The following LPCAT2 variants were observed in gnomAD, a reference collection of about 807,000 sequenced individuals.
LPCAT2 encodes lysophosphatidylcholine acyltransferase 2.
In LPCAT2, 58 loss-of-function variants were observed where a neutral mutation model predicts 64.7. That is an observed-to-expected ratio of 0.90 (90% confidence interval 0.73 to 1.12). The LOEUF (loss-of-function observed/expected upper bound fraction) is 1.12. Ranked by LOEUF, LPCAT2 falls within the 50% of genes most tolerant of loss-of-function variation. The probability of loss-of-function intolerance (pLI) is 0.00; values close to 1 mark genes in which losing one functional copy is unlikely to be tolerated. For missense variants in LPCAT2, 579 were observed against 669.8 expected, an observed-to-expected ratio of 0.86 and a Z score of 1.50; for synonymous variants, 252 against 245.3, an observed-to-expected ratio of 1.03 and a Z score of -0.26.
intron 11 of LPCAT2, chr16:55,557,115 T>C (rs565552563): frequency 6.6e-6 from 1 of 152,372 alleles, no homozygotes; most frequent in South Asian, 2.1e-4. Flanking sequence ...ATATAAACCG[T>C]AACTGTTCTT....
chr16:55,580,830 G>A (rs1323803073), intron 13 of LPCAT2, among the ~76,000 whole-genome samples: 8 of 75,298 alleles, frequency 1.1e-4, no homozygotes, highest in African/African-American at 1.7e-4. Flanking sequence ...ATTCTCATAG[G>A]AGCGCATGAA....
intron 11 of LPCAT2, among the ~76,000 whole-genome samples, chr16:55,564,601 G>A (rs1490222408): frequency 5.3e-5 from 8 of 151,862 alleles, no homozygotes; most frequent in Non-Finnish European, 1.0e-4. Context: ...GGGAAAGGAC[G>A]GTCTTTTCAA....
chr16:55,555,066 G>A (rs1452307804), intron 11 of LPCAT2, among the ~76,000 whole-genome samples: 1 of 152,120 alleles, frequency 6.6e-6, no homozygotes, highest in African/African-American at 2.4e-5. Context: ...AAAATTTTTT[G>A]AAATATTAGG....
chr16:55,528,109 T>C (rs1026269685), intron 2 of LPCAT2, among the ~76,000 whole-genome samples: 1 of 152,234 alleles, frequency 6.6e-6, no homozygotes, highest in South Asian at 2.1e-4. Flanking sequence ...TTTTCTCATC[T>C]ATAAAATGGG....
intron 1 of LPCAT2, among the ~76,000 whole-genome samples, chr16:55,509,968 CG>C (rs1463985787): frequency 7.3e-6 from 1 of 136,828 alleles, no homozygotes; most frequent in Non-Finnish European, 1.5e-5. Flanking sequence ...AGATCTACTA[CG>C]GGAGAGTAGA....
At chr16:55,544,388 T>TA (rs1196955563) in intron 8 of LPCAT2, among the ~76,000 whole-genome samples, 11 of 152,204 alleles carry the variant, frequency 7.2e-5, no homozygotes, top group Admixed American at 7.2e-4. Context: ...TAATGGATGG[T>TA]AACTCTTATT....
chr16:55,558,456 A>C (rs1421198116), intron 11 of LPCAT2, among the ~76,000 whole-genome samples: 2 of 152,236 alleles, frequency 1.3e-5, no homozygotes, highest in African/African-American at 2.4e-5. Context: ...CTGTAAGCAC[A>C]TAATTTTTTT....
intron 6 of LPCAT2, among the ~76,000 whole-genome samples, chr16:55,533,800 T>G (rs13339550): frequency 0.1 from 15,714 of 152,142 alleles, 1,093 homozygotes; most frequent in African/African-American, 0.19. Flanking sequence ...AATATTGATT[T>G]TACCACCATT....
At chr16:55,538,765 A>G (rs561128044) in intron 8 of LPCAT2, 2 of 151,860 alleles carry the variant, frequency 1.3e-5, no homozygotes, top group Admixed American at 6.6e-5. Context: ...AACTAATTTA[A>G]TAACATTTGG....
intron 1 of LPCAT2, among the ~76,000 whole-genome samples, chr16:55,511,204 A>G (rs778275386): frequency 4.6e-5 from 7 of 152,212 alleles, no homozygotes; most frequent in Non-Finnish European, 7.4e-5. Context: ...TAGTTATCCT[A>G]TATATTTTCT....
chr16:55,577,038 G>A (rs1402013860), intron 12 of LPCAT2, among the ~76,000 whole-genome samples: 1 of 152,194 alleles, frequency 6.6e-6, no homozygotes, highest in Non-Finnish European at 1.5e-5. Context: ...GAGCTTGTGA[G>A]GAGGGAGCTA....
chr16:55,516,584 T>C (rs1330486717), intron 1 of LPCAT2, among the ~76,000 whole-genome samples: 2 of 152,172 alleles, frequency 1.3e-5, no homozygotes, highest in Admixed American at 1.3e-4. Flanking sequence ...AGAGGGTTGA[T>C]TCATTAAGAT....
chr16:55,527,039 T>C lies in LPCAT2; in HGVS notation c.312-1338T>C, dbSNP rs568045384. Among the ~76,000 whole-genome samples, 7 of 152,238 alleles carry C rather than the reference T, an allele frequency of 4.6e-5. No individual in the cohort carries two copies. The South Asian group carries it at 1.5e-3, about 32-fold the overall frequency. Reference sequence around the variant, plus strand: ...ATTTGATAAAGGAATACACTTCATATCATTACATGAGTAGAAATCTCATCT... The same window carrying C: ...ATTTGATAAAGGAATACACTTCATACCATTACATGAGTAGAAATCTCATCT... On this transcript the variant is annotated intron_variant, in intron 2 of 13. Transcript: ENST00000262134.
intron 1 of LPCAT2, among the ~76,000 whole-genome samples, chr16:55,511,372 G>C (rs1962929627): frequency 6.6e-6 from 1 of 152,048 alleles, no homozygotes; most frequent in Non-Finnish European, 1.5e-5. Context: ...GAATAGGCAT[G>C]GTAGAAAAAC....
chr16:55,569,678 C>T (rs1963748160), intron 11 of LPCAT2, among the ~76,000 whole-genome samples: 2 of 152,154 alleles, frequency 1.3e-5, no homozygotes, highest in African/African-American at 2.4e-5. Flanking sequence ...CCAGCATGCT[C>T]ATGGAAAAAC....
At position 55,549,350 on chromosome 16, in the gene LPCAT2, T is replaced by C. The variant is rs1159689203; in HGVS notation, c.1009T>C (p.Leu337=). The change falls in exon 10 of 14, where the codon TTG becomes CTG. Residue 337 remains leucine (L), a synonymous_variant. Coordinates refer to ENST00000262134, the MANE Select transcript of LPCAT2 (RefSeq NM_017839.5). ...GATGATTTCAGCAGGACAGCTAACA[T>C]TGCCTATGGAAGCTGGGCTGGTGGA... is the stretch of plus-strand genomic sequence containing the variant. ...RLMISAGQLT[L]PMEAGLVEFT... The C allele has an allele frequency of 5.6e-6, 9 of 1,604,026 alleles. No homozygotes were observed. Among genetic ancestry groups the C allele is most frequent in the African/African-American group, 1.3e-5 (1 of 74,176 alleles).
chr16:55,559,591 G>C (rs1456009064), intron 11 of LPCAT2, among the ~76,000 whole-genome samples: 1 of 152,022 alleles, frequency 6.6e-6, no homozygotes, highest in Admixed American at 6.6e-5. Flanking sequence ...GGGCACTTAG[G>C]TGGCTTAAAT....
At chr16:55,525,171 A>C (rs1490532810) in intron 1 of LPCAT2, among the ~76,000 whole-genome samples, 2 of 152,044 alleles carry the variant, frequency 1.3e-5, no homozygotes. Flanking sequence ...AAGATTGTTC[A>C]GGCTACAACT....
chr16:55,562,757 A>G (rs1246039601), intron 11 of LPCAT2, among the ~76,000 whole-genome samples: 2 of 151,804 alleles, frequency 1.3e-5, no homozygotes, highest in African/African-American at 2.4e-5. Context: ...TATTATTATC[A>G]TTTTGTAGAT....
Sources: gnomAD v4.1 joint callset for allele counts (sites outside exome capture counted in the v4.1 genomes callset) on GRCh38, gnomAD v4.1.1 for gene constraint, MANE v1.5 for transcripts, NCBI Gene and HGNC (gene_info 2026-07-23, HGNC 2026-07-21) for gene names.